Variants in QKI observed in about 807,000 individuals in gnomAD.
The protein encoded by QKI is QKI, KH domain containing RNA binding, also known as KH domain-containing RNA-binding protein QKI.
In QKI, 10 loss-of-function variants were observed where a neutral mutation model predicts 39.0. That is an observed-to-expected ratio of 0.26 (90% CI 0.16 to 0.43). The LOEUF is 0.43. QKI is among the 20% of genes least tolerant of loss of function. The pLI is 1.00. For synonymous variants in QKI, 204 were observed against 155.4 expected (o/e 1.31, Z -2.33); for missense variants, 218 against 428.0 (o/e 0.51, Z 4.33).
chr6:163,470,520 C>T (rs1252023860), intron 2 of QKI, among the ~76,000 whole-genome samples: 7 of 151,988 alleles, frequency 4.6e-5, no homozygotes, highest in African/African-American at 1.7e-4. Flanking sequence ...AGTGTATTGT[C>T]TGACACACAC....
chr6:163,491,970 G>C (rs1778083469), intron 3 of QKI, among the ~76,000 whole-genome samples: 2 of 152,188 alleles, frequency 1.3e-5, no homozygotes, highest in African/African-American at 4.8e-5. Context: ...ATCACTAGAT[G>C]CTCTTAATGA....
intron 1 of QKI, among the ~76,000 whole-genome samples, chr6:163,431,220 T>G (rs557127699): frequency 6.6e-6 from 1 of 152,282 alleles, no homozygotes; most frequent in East Asian, 1.9e-4. Flanking sequence ...AGGTTGGGCT[T>G]CAGGTTTCAA....
intron 3 of QKI, among the ~76,000 whole-genome samples, chr6:163,492,672 G>T (rs1022359916): frequency 1.3e-5 from 2 of 152,096 alleles, no homozygotes; most frequent in African/African-American, 4.8e-5. Flanking sequence ...AAAATCTAAT[G>T]TGAAGAAAAT....
intron 3 of QKI, among the ~76,000 whole-genome samples, chr6:163,480,800 A>G (rs1745094): frequency 0.67 from 102,505 of 152,072 alleles, 35,238 homozygotes; most frequent in East Asian, 1. Context: ...TTAATTGCCT[A>G]TGGACAATGA....
At chr6:163,568,132 A>G (rs1783479262) in intron 7 of QKI, 4 of 985,384 alleles carry the variant, frequency 4.1e-6, no homozygotes, top group Non-Finnish European at 4.8e-6. Flanking sequence ...GGGATGGGGA[A>G]GTTTTTTGGA....
intron 2 of QKI, among the ~76,000 whole-genome samples, chr6:163,458,137 A>G (rs930546651): frequency 6.6e-6 from 1 of 152,056 alleles, no homozygotes; most frequent in African/African-American, 2.4e-5. Flanking sequence ...AAAAGTAGGA[A>G]CTCAGATTCA....
intron 2 of QKI, among the ~76,000 whole-genome samples, chr6:163,470,142 G>T (rs1238680790): frequency 6.6e-6 from 1 of 152,114 alleles, no homozygotes. Context: ...GTGTTTTGGG[G>T]GATCTCTTTT....
chr6:163,495,835 A>G (rs1448854212), intron 3 of QKI, among the ~76,000 whole-genome samples: 1 of 152,212 alleles, frequency 6.6e-6, no homozygotes, highest in Non-Finnish European at 1.5e-5. Context: ...CTCAGCCATC[A>G]CATTAGCAGT....
At chr6:163,542,760 C>G (rs1487057931) in intron 4 of QKI, among the ~76,000 whole-genome samples, 1 of 151,966 alleles carries the variant, frequency 6.6e-6, no homozygotes, top group Non-Finnish European at 1.5e-5. Flanking sequence ...GAATACAGAT[C>G]AGTTTTTAAC....
At chr6:163,455,478 A>G in intron 2 of QKI, 57 bp downstream of exon 2, 1 of 1,482,524 alleles carries the variant, frequency 6.7e-7, no homozygotes, top group Non-Finnish European at 9.2e-7. Context: ...TGTTGGGAAG[A>G]GATATATTTG....
intron 3 of QKI, among the ~76,000 whole-genome samples, chr6:163,529,696 C>T (rs957125985): frequency 2.0e-5 from 3 of 152,098 alleles, no homozygotes; most frequent in Admixed American, 6.6e-5. Flanking sequence ...TGAATGAACA[C>T]GGCACTTCAG....
At chr6:163,475,552 C>A (rs991615970) in intron 2 of QKI, among the ~76,000 whole-genome samples, 14 of 152,050 alleles carry the variant, frequency 9.2e-5, no homozygotes, top group Admixed American at 3.9e-4. Context: ...ATCCCCCCCA[C>A]CCCAGATACC....
intron 2 of QKI, among the ~76,000 whole-genome samples, chr6:163,467,722 A>G (rs73784410): frequency 0.031 from 4,752 of 152,266 alleles, 243 homozygotes; most frequent in African/African-American, 0.11. Context: ...ATTAATATGA[A>G]GGTAACAAGG....
intron 3 of QKI, among the ~76,000 whole-genome samples, chr6:163,483,030 A>C (rs181529566): frequency 1.3e-3 from 194 of 152,298 alleles, no homozygotes; most frequent in Non-Finnish European, 4.0e-4. Context: ...GAAAGACACA[A>C]ACAGGTTCCA....
chr6:163,550,646 C>A (rs1034264802), intron 4 of QKI, among the ~76,000 whole-genome samples: 1 of 151,906 alleles, frequency 6.6e-6, no homozygotes, highest in African/African-American at 2.4e-5. Context: ...ACCAGCCACC[C>A]CAACAAAGAG....
chr6:163,551,101 A>G (rs1478800832), intron 4 of QKI, among the ~76,000 whole-genome samples: 1 of 152,188 alleles, frequency 6.6e-6, no homozygotes, highest in African/African-American at 2.4e-5. Flanking sequence ...CAGTGCTTGC[A>G]TATCTGTGTG....
At position 163,457,682 on chromosome 6, in the gene QKI, G is replaced by A. The variant is rs1411505932; in HGVS notation, c.285+2261G>A. ...GGGGACAGGGTCAGCCAGGCTGACA[G>A]GTAGGTGATCATGTACCTGGTCATT... On this transcript the variant is annotated intron_variant, in intron 2 of 7. Coordinates refer to ENST00000361752, the MANE Select transcript of QKI (RefSeq NM_006775.3). 6 of 324,238 alleles carry A rather than the reference G, an allele frequency of 1.9e-5. No individual in the cohort carries two copies. In the East Asian group the frequency reaches 2.4e-4, roughly 13 times the overall value. The allele number at this position is 324,238 out of a possible 1,614,324, so 20.1% of individuals were successfully genotyped here.
intron 2 of QKI, among the ~76,000 whole-genome samples, chr6:163,474,604 C>T (rs892551551): frequency 2.6e-5 from 4 of 151,630 alleles, no homozygotes; most frequent in African/African-American, 7.3e-5. Flanking sequence ...AAAGTAAAAA[C>T]AAGTAAAGGC....
At chr6:163,539,457 C>T (rs908640977) in intron 4 of QKI, among the ~76,000 whole-genome samples, 4 of 152,132 alleles carry the variant, frequency 2.6e-5, no homozygotes, top group Non-Finnish European at 4.4e-5. Flanking sequence ...TTTGGCCTCT[C>T]GGTTCTTTTA....
Sources: gnomAD v4.1 joint callset for allele counts (sites outside exome capture counted in the v4.1 genomes callset) on GRCh38, gnomAD v4.1.1 for gene constraint, MANE v1.5 for transcripts, NCBI Gene and HGNC (gene_info 2026-07-23, HGNC 2026-07-21) for gene names.